The following GID4 variants were observed in gnomAD, a reference collection of about 807,000 sequenced individuals.
GID4 encodes the protein glucose-induced degradation protein 4 homolog.
A neutral mutation model predicts 32.4 loss-of-function variants in GID4; 7 were observed. That is an observed-to-expected ratio of 0.22 (90% CI 0.12 to 0.41). The LOEUF is 0.41. Ranked by LOEUF, GID4 falls within the 10% of genes least tolerant of loss-of-function variation. The pLI, the probability that GID4 is intolerant of heterozygous loss-of-function variation, is 1.00. For synonymous variants in GID4, 166 were observed against 170.0 expected, an observed-to-expected ratio of 0.98 and a Z score of 0.18; for missense variants, 309 against 400.0, an observed-to-expected ratio of 0.77 and a Z score of 1.94.
In GID4 at chr17:18,041,034, C is replaced by G. The variant is rs571837402; in HGVS notation, c.438+1132C>G. 4.5e-4 allele frequency among the ~76,000 whole-genome samples: 69 copies of G among 152,090 alleles called. 1 individual carries two copies. Among genetic ancestry groups the G allele is most frequent in the Non-Finnish European group, 2.9e-5 (2 of 68,014 alleles). On this transcript the variant is annotated intron_variant, in intron 1 of 5. Coordinates refer to ENST00000268719, the MANE Select transcript of GID4 (RefSeq NM_024052.5). The stretch of plus-strand genomic sequence containing the variant: ...AATACTCTTTTATCTCCCCTCCCCA[C>G]AAAACTCTTCCTCCTCTATACCTAC...
At chr17:18,062,081 A>G in intron 5 of GID4, 106 bp downstream of exon 5, 1 of 1,097,016 alleles carries the variant, frequency 9.1e-7, no homozygotes, top group Non-Finnish European at 1.4e-6. Context: ...CTCTGTATAG[A>G]TTCTGTGCTT....
chr17:18,058,796 C>A (rs377707781), intron 3 of GID4, 72 bp from the exon 4 acceptor site: 2 of 955,134 alleles, frequency 2.1e-6, no homozygotes, highest in Non-Finnish European at 3.4e-6. Context: ...TTTACCTGGG[C>A]ACATAAGCAT....
chr17:18,043,250 A>G (rs1198882503), intron 1 of GID4, among the ~76,000 whole-genome samples: 2 of 152,196 alleles, frequency 1.3e-5, no homozygotes, highest in African/African-American at 2.4e-5. Context: ...ATCAAGATCA[A>G]TTTGGGCAGA....
chr17:18,049,918 A>G (rs1415334868), intron 2 of GID4, among the ~76,000 whole-genome samples: 1 of 151,980 alleles, frequency 6.6e-6, no homozygotes, highest in Admixed American at 6.6e-5. Context: ...GCTTGAGCCT[A>G]TTGTTTCCTT....
chr17:18,057,903 G>A (rs1251623921), intron 3 of GID4, among the ~76,000 whole-genome samples: 1 of 151,522 alleles, frequency 6.6e-6, no homozygotes, highest in Non-Finnish European at 1.5e-5. Context: ...GCACGATCTC[G>A]GCTCATTGCA....
intron 2 of GID4, among the ~76,000 whole-genome samples, chr17:18,050,333 A>AT (rs2044898251): frequency 6.6e-6 from 1 of 152,248 alleles, no homozygotes; most frequent in African/African-American, 2.4e-5. Context: ...GTTTGTTTTC[A>AT]TGCCTTCTGG....
chr17:18,048,747 A>C (rs2044880496), intron 2 of GID4, among the ~76,000 whole-genome samples: 1 of 151,568 alleles, frequency 6.6e-6, no homozygotes, highest in Non-Finnish European at 1.5e-5. Flanking sequence ...GGTTCAAGCA[A>C]TTCCCATGCC....
At chr17:18,062,754 G>A (rs1022798165) in intron 5 of GID4, among the ~76,000 whole-genome samples, 8 of 152,304 alleles carry the variant, frequency 5.3e-5, no homozygotes, top group African/African-American at 1.9e-4. Context: ...TTTCACGCAA[G>A]TTTGTAAAAC....
chr17:18,062,911 TA>T (rs1323181631), intron 5 of GID4, among the ~76,000 whole-genome samples: 20 of 147,962 alleles, frequency 1.4e-4, no homozygotes, highest in African/African-American at 5.0e-4. Context: ...CCGTCTCTAC[TA>T]AAAAACAAAA....
At chr17:18,046,592 C>T (rs1030308492) in intron 2 of GID4, among the ~76,000 whole-genome samples, 5 of 151,330 alleles carry the variant, frequency 3.3e-5, no homozygotes, top group Middle Eastern at 6.8e-3. Flanking sequence ...GCACTCCAGC[C>T]TGGGCAACCT....
chr17:18,062,149 C>T (rs370165282), intron 5 of GID4, 174 bp downstream of exon 5: 12 of 602,040 alleles, frequency 2.0e-5, no homozygotes, highest in African/African-American at 1.3e-4. Flanking sequence ...AAGGCCTTAT[C>T]CCTATGCACA....
At chr17:18,059,165 C>T (rs1392813979) in intron 4 of GID4, among the ~76,000 whole-genome samples, 196 bp downstream of exon 4, 2 of 152,190 alleles carry the variant, frequency 1.3e-5, no homozygotes, top group Admixed American at 6.5e-5. Flanking sequence ...GGTTAACTGC[C>T]GATGTCCCAG....
chr17:18,039,596 C>T lies in GID4; in HGVS notation c.132C>T (p.Arg44=). The T allele has an allele frequency of 2.3e-6, 3 of 1,294,322 alleles. No individual in the cohort carries two copies. Among genetic ancestry groups the T allele is most frequent in the Non-Finnish European group, 2.0e-6 (2 of 1,025,104 alleles). 80.2% of individuals were successfully genotyped at this position (1,294,322 alleles called of 1,614,324 possible). ...AGCGGGCGGGTGGTCGCCCCTCCCGCCCCCACCCCGCGCGTGCGCGCCCCG... is the reference window on the plus strand; with the variant it reads ...AGCGGGCGGGTGGTCGCCCCTCCCGTCCCCACCCCGCGCGTGCGCGCCCCG... ...RRQRAGGRPS[R]PHPARARPGL... The change falls in exon 1 of 6, where the codon CGC becomes CGT. Residue 44 remains arginine (R), a synonymous_variant. Coordinates refer to ENST00000268719, the MANE Select transcript of GID4 (RefSeq NM_024052.5). This position sits in a 1 kb window ranked among gnomAD's most constrained non-coding sequence, Gnocchi z 5.3.
chr17:18,051,408 T>C (rs1368708461), intron 2 of GID4, among the ~76,000 whole-genome samples: 1 of 152,178 alleles, frequency 6.6e-6, no homozygotes, highest in Admixed American at 6.5e-5. Context: ...CAGTTTGTAG[T>C]TGGCTGATGC....
Position 18,061,733 on chromosome 17 carries a change from AG to A in GID4, c.709-111del, listed in dbSNP as rs1174675577. ...CCCAGCAAGTCTAGGTTAGACTATG[AG>A]ATCCTATATTTTTCTCGAGTGGTCC... On this transcript the variant is annotated intron_variant, in intron 4 of 5. Transcript: ENST00000268719. This position sits in a 1 kb window ranked among gnomAD's most constrained non-coding sequence, Gnocchi z 4.4. 6 of 1,008,312 alleles carry A rather than the reference AG, an allele frequency of 6.0e-6. No individual in the cohort carries two copies. Among genetic ancestry groups the A allele is most frequent in the Non-Finnish European group, 9.1e-6 (6 of 658,440 alleles). 62.5% of individuals were successfully genotyped at this position (1,008,312 alleles called of 1,614,324 possible).
chr17:18,039,974 T>A lies in GID4; in HGVS notation c.438+72T>A. On this transcript the variant is annotated intron_variant, in intron 1 of 5. Coordinates refer to ENST00000268719, the MANE Select transcript of GID4 (RefSeq NM_024052.5). The surrounding 1 kb of genome is among the most constrained non-coding windows in gnomAD (Gnocchi z 5.3). ...CACGGGCCGTGCCCGCTTCGGCTCC[T>A]CGACCCCGCAGCCGCGGAACAGGCC... The A allele has an allele frequency of 1.6e-6, 2 of 1,274,678 alleles. No homozygotes were observed. Among genetic ancestry groups the A allele is most frequent in the Non-Finnish European group, 2.0e-6 (2 of 1,006,580 alleles). 79.0% of individuals were successfully genotyped at this position (1,274,678 alleles called of 1,614,324 possible). A position where few individuals can be genotyped will look rare whatever the true frequency, so the allele number is the denominator to read the frequency against.
At position 18,039,459 on chromosome 17, in the gene GID4, G is replaced by A; in HGVS notation, c.-6G>A. 7.4e-7 allele frequency: 1 copy of A among 1,353,164 alleles called. No homozygotes were observed. Among genetic ancestry groups the A allele is most frequent in the Non-Finnish European group, 9.5e-7 (1 of 1,056,584 alleles). The allele number at this position is 1,353,164 out of a possible 1,614,324, so 83.8% of individuals were successfully genotyped here. A position where few individuals can be genotyped will look rare whatever the true frequency, so the allele number is the denominator to read the frequency against. Reference sequence around the variant, plus strand: ...GTTGTGTGTCTGTGAGTGTCTGTGTGTGTGTATGTGTGCGCGAGGGCAAGT... The same window carrying A: ...GTTGTGTGTCTGTGAGTGTCTGTGTATGTGTATGTGTGCGCGAGGGCAAGT... On this transcript the variant is annotated 5_prime_UTR_variant, in exon 1 of 6. The change creates a new upstream start codon in the 5' untranslated region. Transcript: ENST00000268719. This position sits in a 1 kb window ranked among gnomAD's most constrained non-coding sequence, Gnocchi z 5.3.
intron 2 of GID4, among the ~76,000 whole-genome samples, chr17:18,049,013 C>A (rs1048284200): frequency 5.3e-5 from 8 of 151,862 alleles, no homozygotes; most frequent in African/African-American, 1.9e-4. Context: ...TTGCCTTCCT[C>A]ACGTATACAG....
intron 4 of GID4, 139 bp downstream of exon 4, chr17:18,059,108 G>T (rs1481644386): frequency 5.0e-6 from 3 of 604,444 alleles, no homozygotes; most frequent in Non-Finnish European, 8.9e-6. Flanking sequence ...TCATGGCAGG[G>T]TCTTTGCACG....
Sources: allele counts gnomAD v4.1 joint callset (sites outside exome capture counted in the v4.1 genomes callset), GRCh38; gene constraint gnomAD v4.1.1; non-coding constraint Gnocchi (gnomAD v3.1); transcripts MANE v1.5; gene names NCBI Gene and HGNC (gene_info 2026-07-23, HGNC 2026-07-21).